PIK3R4: variants seen among roughly 807,000 people sequenced by gnomAD.
PIK3R4 encodes the protein phosphoinositide 3-kinase regulatory subunit 4.
Under a neutral mutation model 136.5 loss-of-function variants are expected in PIK3R4, and 46 were observed. The ratio of observed to expected loss-of-function variants is 0.34; its 90% CI spans 0.27 to 0.43. The LOEUF is 0.43. Ranked by LOEUF, PIK3R4 falls within the 20% of genes least tolerant of loss-of-function variation. The pLI is 1.00. For missense variants in PIK3R4, 1,331 were observed against 1,649.5 expected, an observed-to-expected ratio of 0.81 and a Z score of 3.35; for synonymous variants, 557 against 566.7, an observed-to-expected ratio of 0.98 and a Z score of 0.24.
intron 13 of PIK3R4, among the ~76,000 whole-genome samples, chr3:130,696,830 C>T (rs2066548711): frequency 6.6e-6 from 1 of 152,086 alleles, no homozygotes; most frequent in Non-Finnish European, 1.5e-5. Flanking sequence ...TTCTATCCAT[C>T]TTGAAAATAA....
chr3:130,739,346 G>C (rs2066806874), intron 2 of PIK3R4, among the ~76,000 whole-genome samples: 1 of 152,204 alleles, frequency 6.6e-6, no homozygotes, highest in African/African-American at 2.4e-5. Context: ...AAAGTGCTGG[G>C]ATTACAGGCG....
At chr3:130,714,725 T>G (rs1478047012) in intron 9 of PIK3R4, among the ~76,000 whole-genome samples, 3 of 152,062 alleles carry the variant, frequency 2.0e-5, no homozygotes, top group Non-Finnish European at 2.9e-5. Context: ...TTCCTGTGTT[T>G]GCTGAGGATG....
chr3:130,713,975 G>A (rs1037184207), intron 9 of PIK3R4, among the ~76,000 whole-genome samples: 1 of 151,960 alleles, frequency 6.6e-6, no homozygotes, highest in African/African-American at 2.4e-5. Context: ...CCGGGCCTGG[G>A]ATGAAGGTTT....
intron 11 of PIK3R4, among the ~76,000 whole-genome samples, chr3:130,706,216 T>G (rs2066605585): frequency 6.7e-6 from 1 of 149,822 alleles, no homozygotes; most frequent in South Asian, 2.2e-4. Context: ...AAGCAGATCA[T>G]AAGTTGAAAA....
intron 13 of PIK3R4, among the ~76,000 whole-genome samples, chr3:130,702,694 G>C (rs555925750): frequency 2.0e-5 from 3 of 152,300 alleles, no homozygotes; most frequent in African/African-American, 7.2e-5. Flanking sequence ...GAAAGAAAGA[G>C]AGGGAGGACA....
intron 13 of PIK3R4, among the ~76,000 whole-genome samples, chr3:130,697,600 C>T (rs2066553284): frequency 6.6e-6 from 1 of 152,108 alleles, no homozygotes; most frequent in South Asian, 2.1e-4. Flanking sequence ...AACTTAATTT[C>T]AGTAATACAT....
intron 9 of PIK3R4, among the ~76,000 whole-genome samples, chr3:130,714,392 A>C (rs1330310981): frequency 6.6e-6 from 1 of 152,140 alleles, no homozygotes; most frequent in Non-Finnish European, 1.5e-5. Flanking sequence ...ATTTAGATTT[A>C]ACATTTCTTT....
At chr3:130,740,018 C>T (rs955114125) in intron 2 of PIK3R4, among the ~76,000 whole-genome samples, 1 of 152,114 alleles carries the variant, frequency 6.6e-6, no homozygotes, top group Non-Finnish European at 1.5e-5. Context: ...AGTAATGCAC[C>T]TATGGCAACT....
chr3:130,734,121 T>C lies in PIK3R4; in HGVS notation c.877A>G (p.Met293Val). Residue 293 changes from methionine to valine, a missense_variant, in exon 4 of 20, where the codon ATG becomes GTG. Physicochemically the swap from Met to Val is conservative, Grantham distance 21. This residue lies in a region of PIK3R4 where 1,180 missense variants were observed against 1,407.0 expected (regional missense o/e 0.84). Coordinates refer to ENST00000356763, the MANE Select transcript of PIK3R4 (RefSeq NM_014602.3). Reference sequence around the variant, plus strand: ...CGTTTATCTGGCTCACGGTGAATCATCTGAGTTACCTATACCAAGGGAAGA... The same window carrying C: ...CGTTTATCTGGCTCACGGTGAATCACCTGAGTTACCTATACCAAGGGAAGA... ...DHSIRELVTQMIHREPDKRLE... is the reference protein window; with the variant it reads ...DHSIRELVTQVIHREPDKRLE... 6.2e-7 allele frequency: 1 copy of C among 1,610,530 alleles called. No individual in the cohort carries two copies. Among genetic ancestry groups the C allele is most frequent in the Non-Finnish European group, 8.5e-7 (1 of 1,177,764 alleles).
chr3:130,717,358 C>T (rs745617276), intron 8 of PIK3R4, among the ~76,000 whole-genome samples: 2 of 151,568 alleles, frequency 1.3e-5, no homozygotes, highest in African/African-American at 4.8e-5. Context: ...TTTCAAAATA[C>T]GAAACAATGA....
intron 14 of PIK3R4, among the ~76,000 whole-genome samples, chr3:130,689,407 C>T (rs768621462): frequency 1.3e-5 from 2 of 152,076 alleles, no homozygotes; most frequent in African/African-American, 4.8e-5. Flanking sequence ...ACATCATCTG[C>T]GGAAACAGAC....
At position 130,679,493 on chromosome 3, in the gene PIK3R4, G is replaced by C. The variant is rs1199361935; in HGVS notation, c.3907-8C>G. On this transcript the variant is annotated splice_region_variant and splice_polypyrimidine_tract_variant and intron_variant, in intron 19 of 19. Transcript: ENST00000356763. ...CTGCTTATTCTGAATTTCCTGTTTGGTGATTAAAAGGGAGCAAGCCAGAGG... is the reference window on the plus strand; with the variant it reads ...CTGCTTATTCTGAATTTCCTGTTTGCTGATTAAAAGGGAGCAAGCCAGAGG... 6.2e-7 allele frequency: 1 copy of C among 1,604,538 alleles called. No homozygotes were observed. Among genetic ancestry groups the C allele is most frequent in the Non-Finnish European group, 8.5e-7 (1 of 1,173,266 alleles).
At chr3:130,695,967 T>C (rs2107604057) in intron 13 of PIK3R4, among the ~76,000 whole-genome samples, 1 of 152,290 alleles carries the variant, frequency 6.6e-6, no homozygotes, top group East Asian at 1.9e-4. Flanking sequence ...TTATTATAGA[T>C]CTATTCAGAT....
At chr3:130,737,824 G>A (rs1025579344) in intron 2 of PIK3R4, among the ~76,000 whole-genome samples, 1 of 152,144 alleles carries the variant, frequency 6.6e-6, no homozygotes, top group African/African-American at 2.4e-5. Context: ...TTCATCTCAC[G>A]TAATTTATTG....
intron 9 of PIK3R4, among the ~76,000 whole-genome samples, chr3:130,714,843 A>G (rs1341337486): frequency 6.6e-6 from 1 of 152,136 alleles, no homozygotes; most frequent in African/African-American, 2.4e-5. Context: ...CATCCAGTCT[A>G]TCATTGATGG....
Position 130,744,816 on chromosome 3 carries a change from C to T in PIK3R4, c.403G>A (p.Ala135Thr). The T allele has an allele frequency of 1.2e-6, 2 of 1,614,224 alleles. No individual in the cohort carries two copies. The highest frequency in any genetic ancestry group is 1.7e-6 in the Non-Finnish European group (2 of 1,180,040). The change falls in exon 2 of 20, where the codon GCT (alanine) becomes ACT (threonine). Residue 135 changes from alanine (A) to threonine (T), a missense_variant. Transcript: ENST00000356763. ...KRWIAFQILTAVDQAHKSGVR... is the reference protein window; with the variant it reads ...KRWIAFQILTTVDQAHKSGVR... The stretch of plus-strand genomic sequence containing the variant: ...CCAGATTTGTGTGCTTGGTCCACAG[C>T]TGTCAGGATCTGGAAAGCAATCCAG...
chr3:130,721,717 T>C (rs2066702028), intron 7 of PIK3R4, among the ~76,000 whole-genome samples: 2 of 152,140 alleles, frequency 1.3e-5, no homozygotes, highest in South Asian at 4.1e-4. Flanking sequence ...GAGAGTAGAA[T>C]GGTGGTTACC....
chr3:130,706,905 G>A lies in PIK3R4; in HGVS notation c.2721+43C>T, dbSNP rs368148616. Reference sequence around the variant, plus strand: ...TAAACAACCAAAATAGCAGAAGAGCGTTCAAAGACATTAGGAGGACTACTG... The same window carrying A: ...TAAACAACCAAAATAGCAGAAGAGCATTCAAAGACATTAGGAGGACTACTG... On this transcript the variant is annotated intron_variant, in intron 11 of 19. Transcript: ENST00000356763. 4.5e-5 allele frequency: 67 copies of A among 1,495,848 alleles called. No individual in the cohort carries two copies. In the African/African-American group the frequency reaches 5.9e-4, roughly 13 times the overall value. The allele number at this position is 1,495,848 out of a possible 1,614,324, so 92.7% of individuals were successfully genotyped here.
At chr3:130,727,027 G>A (rs907352345) in intron 6 of PIK3R4, among the ~76,000 whole-genome samples, 6 of 152,066 alleles carry the variant, frequency 3.9e-5, no homozygotes, top group Admixed American at 2.0e-4. Context: ...GAAAAAAACA[G>A]GTACAGTAAT....
Sources: allele counts gnomAD v4.1 joint callset (sites outside exome capture counted in the v4.1 genomes callset), GRCh38; gene constraint gnomAD v4.1.1; regional missense constraint gnomAD v4.1.1; transcripts MANE v1.5; gene names NCBI Gene and HGNC (gene_info 2026-07-23, HGNC 2026-07-21).